The following SYNE1 variants were observed in gnomAD, a reference collection of about 807,000 sequenced individuals.
SYNE1 encodes spectrin repeat containing nuclear envelope protein 1.
Under a neutral mutation model 1,111.0 loss-of-function variants are expected in SYNE1, and 616 were observed. That is an observed-to-expected ratio of 0.55 (90% confidence interval 0.52 to 0.59). The LOEUF (loss-of-function observed/expected upper bound fraction) is 0.59. Ranked by LOEUF, SYNE1 falls within the 20% of genes least tolerant of loss-of-function variation. The pLI, the probability that SYNE1 is intolerant of heterozygous loss-of-function variation, is 0.00. For synonymous variants in SYNE1, 3,855 were observed against 3,825.8 expected, an observed-to-expected ratio of 1.01 and a Z score of -0.28; for missense variants, 10,006 against 10,417.0, an observed-to-expected ratio of 0.96 and a Z score of 1.72.
At chr6:152,225,610 T>C in intron 116 of SYNE1, 111 bp downstream of exon 116, 1 of 1,277,630 alleles carries the variant, frequency 7.8e-7, no homozygotes, top group Non-Finnish European at 1.1e-6. Context: ...TACAAGGAGA[T>C]AATGTATAGA....
intron 60 of SYNE1, 48 bp downstream of exon 60, chr6:152,369,423 C>T (rs2097139831): frequency 1.2e-6 from 2 of 1,613,618 alleles, no homozygotes; most frequent in African/African-American, 1.3e-5. Context: ...CGACAGAGGA[C>T]GGACAAAGAC....
intron 91 of SYNE1, among the ~76,000 whole-genome samples, chr6:152,305,607 A>G (rs2095350363): frequency 6.6e-6 from 1 of 152,176 alleles, no homozygotes; most frequent in South Asian, 2.1e-4. Flanking sequence ...GCATAAATAA[A>G]TGATCAGTTA....
intron 73 of SYNE1, among the ~76,000 whole-genome samples, 174 bp from the exon 74 acceptor site, chr6:152,344,401 A>G (rs1472142463): frequency 1.3e-5 from 2 of 152,230 alleles, no homozygotes; most frequent in Admixed American, 6.5e-5. Context: ...GCAAAATGCA[A>G]TGCCTATACC....
intron 3 of SYNE1, among the ~76,000 whole-genome samples, chr6:152,590,639 G>A (rs993599679): frequency 4.6e-5 from 7 of 151,974 alleles, no homozygotes; most frequent in African/African-American, 1.7e-4. Context: ...TAACTTGTCT[G>A]TCACTGATCA....
chr6:152,347,095 C>T lies in SYNE1; in HGVS notation c.12042G>A (p.Lys4014=). 1 of 1,614,154 alleles carries T rather than the reference C, an allele frequency of 6.2e-7. No individual in the cohort carries two copies. The highest frequency in any genetic ancestry group is 1.3e-5 in the African/African-American group (1 of 75,034). Residue 4014 remains lysine (K), a synonymous_variant, in exon 73 of 146, where the codon AAG becomes AAA. Transcript: ENST00000367255. ...TGCTGCAGATCGCTGAGTAGCTGTC[C>T]TTTGTGCCCTGCAGATGAGCATGCA... ...QNVHAHLQGT[K]DSYSAICSTA...
intron 45 of SYNE1, among the ~76,000 whole-genome samples, 159 bp downstream of exon 45, chr6:152,406,855 G>C (rs2097909398): frequency 6.6e-6 from 1 of 151,544 alleles, no homozygotes; most frequent in Non-Finnish European, 1.5e-5. Context: ...CTGGGTGACA[G>C]AGCAAAACTT....
At chr6:152,431,491 G>T (rs2098427606) in intron 34 of SYNE1, among the ~76,000 whole-genome samples, 1 of 152,200 alleles carries the variant, frequency 6.6e-6, no homozygotes, top group South Asian at 2.1e-4. Context: ...TAACTATTAA[G>T]GAAGTGTGTG....
intron 16 of SYNE1, among the ~76,000 whole-genome samples, chr6:152,467,066 T>A (rs570885103): frequency 8.1e-4 from 123 of 152,254 alleles, no homozygotes; most frequent in Non-Finnish European, 1.6e-3. Flanking sequence ...GGATTTTTAT[T>A]GATAACTGTT....
chr6:152,282,672 A>T (rs1252321007), intron 96 of SYNE1, among the ~76,000 whole-genome samples: 2 of 152,158 alleles, frequency 1.3e-5, no homozygotes, highest in South Asian at 4.1e-4. Context: ...ACTTTATTTT[A>T]AAAATTATTT....
At chr6:152,526,553 C>A (rs2099164562) in intron 4 of SYNE1, among the ~76,000 whole-genome samples, 1 of 152,202 alleles carries the variant, frequency 6.6e-6, no homozygotes, top group African/African-American at 2.4e-5. Flanking sequence ...AGAGCAAGAG[C>A]TGCATGGACC....
chr6:152,325,598 C>T (rs2096044471), intron 80 of SYNE1, among the ~76,000 whole-genome samples: 1 of 152,054 alleles, frequency 6.6e-6, no homozygotes, highest in South Asian at 2.1e-4. Context: ...GCAAGTGAAC[C>T]AAATGCAATA....
chr6:152,347,484 T>A (rs1470491586), intron 72 of SYNE1, among the ~76,000 whole-genome samples: 1 of 152,172 alleles, frequency 6.6e-6, no homozygotes, highest in African/African-American at 2.4e-5. Flanking sequence ...CACTAGAATG[T>A]GTTCATGGCT....
chr6:152,333,208 T>C (rs1185380405), intron 77 of SYNE1, among the ~76,000 whole-genome samples: 1 of 152,162 alleles, frequency 6.6e-6, no homozygotes, highest in Non-Finnish European at 1.5e-5. Context: ...GTGTGTGTTC[T>C]TATTTTTCAA....
chr6:152,341,484 A>G (rs927688848), intron 74 of SYNE1, among the ~76,000 whole-genome samples: 12 of 152,198 alleles, frequency 7.9e-5, no homozygotes, highest in Non-Finnish European at 1.2e-4. Flanking sequence ...TAAAGTTCAC[A>G]TTTTATGCCT....
chr6:152,613,817 TC>T (rs141233929), intron 3 of SYNE1, among the ~76,000 whole-genome samples: 62,939 of 151,840 alleles, frequency 0.41, 14,330 homozygotes, highest in East Asian at 0.62. Context: ...AACAGAGCCC[TC>T]AGAAATAACA....
intron 16 of SYNE1, among the ~76,000 whole-genome samples, chr6:152,470,194 T>C (rs1460018612): frequency 6.6e-6 from 1 of 152,208 alleles, no homozygotes; most frequent in Non-Finnish European, 1.5e-5. Flanking sequence ...TTAATAATTG[T>C]TTATTCACAT....
chr6:152,320,081 T>A (rs1331863505), intron 84 of SYNE1: 1 of 152,178 alleles, frequency 6.6e-6, no homozygotes, highest in Non-Finnish European at 1.5e-5. Context: ...CGAGAACTGC[T>A]TAAACCCAGG....
Position 152,329,874 on chromosome 6 carries a change from G to A in SYNE1, c.14811C>T (p.Ser4937=), listed in dbSNP as rs1336915863. The change falls in exon 78 of 146, where the codon AGC becomes AGT. Residue 4937 remains serine (S), a synonymous_variant. Transcript: ENST00000367255. ...IQIHQEEVQS[S]LRIMNALSHK... ...GACTCAGCGCATTCATGATTCTCAA[G>A]CTGGACTGGACCTCTTCCTGATGAA... The A allele has an allele frequency of 6.2e-7, 1 of 1,614,006 alleles. No homozygotes were observed. The highest frequency in any genetic ancestry group is 8.5e-7 in the Non-Finnish European group (1 of 1,180,042).
intron 3 of SYNE1, among the ~76,000 whole-genome samples, chr6:152,544,218 G>C (rs779074901): frequency 1.1e-4 from 16 of 152,138 alleles, no homozygotes; most frequent in Non-Finnish European, 1.9e-4. Flanking sequence ...ACTACAATTT[G>C]GGTGCTGCAC....
Sources: allele counts gnomAD v4.1 joint callset (sites outside exome capture counted in the v4.1 genomes callset), GRCh38; gene constraint gnomAD v4.1.1; transcripts MANE v1.5; gene names NCBI Gene and HGNC (gene_info 2026-07-23, HGNC 2026-07-21).